PPP2R3B: variants seen among roughly 807,000 people sequenced by gnomAD.
The protein encoded by PPP2R3B is protein phosphatase 2 regulatory subunit B''beta.
PPP2R3B carries 68 observed loss-of-function variants against 72.9 expected under a neutral mutation model. The ratio of observed to expected loss-of-function variants is 0.93; its 90% CI spans 0.77 to 1.14. The LOEUF is 1.14. PPP2R3B is among the 50% of genes most tolerant of loss of function. The probability of loss-of-function intolerance (pLI) is 0.00; values close to 1 mark genes in which losing one functional copy is unlikely to be tolerated. For synonymous variants in PPP2R3B, 466 were observed against 375.8 expected (o/e 1.24, Z -2.78); for missense variants, 1,018 against 842.0 (o/e 1.21, Z -2.59).
chrX:337,397 AT>A (rs1283654312), intron 12 of PPP2R3B: 1 of 152,210 alleles, frequency 6.6e-6, no homozygotes, highest in Non-Finnish European at 1.5e-5. Flanking sequence ...GCCTATTCTT[AT>A]GTGTTTTCAT....
intron 1 of PPP2R3B, among the ~76,000 whole-genome samples, chrX:385,330 T>C (rs1234813112): frequency 1.2e-4 from 15 of 128,650 alleles, no homozygotes; most frequent in African/African-American, 2.6e-4. Flanking sequence ...CTTTTTTTTT[T>C]TTTTTTTTTT....
At position 386,493 on chromosome X, in the gene PPP2R3B, G is replaced by A. The variant is rs781140724; in HGVS notation, c.199C>T (p.Arg67Trp). Reference sequence around the variant, plus strand: ...CCCGGGGGTTCGAGCCCGCTGGGCCGGGGGGCGGCGAGCGGGGCTGTGGGC... The same window carrying A: ...CCCGGGGGTTCGAGCCCGCTGGGCCAGGGGGCGGCGAGCGGGGCTGTGGGC... ...AWPTAPLAAPRPSGLEPPGTP... is the reference protein window; with the variant it reads ...AWPTAPLAAPWPSGLEPPGTP... Residue 67 changes from arginine to tryptophan, a missense_variant, in exon 1 of 13, where the codon CGG (arginine) becomes TGG (tryptophan). By Grantham distance (101) the Arg-to-Trp change is moderately radical (BLOSUM62 -3). Coordinates refer to ENST00000390665, the MANE Select transcript of PPP2R3B (RefSeq NM_013239.5). The A allele has an allele frequency of 3.1e-6, 4 of 1,287,902 alleles. No homozygotes were observed. Among genetic ancestry groups the A allele is most frequent in the South Asian group, 2.7e-5 (1 of 37,710 alleles). The allele number at this position is 1,287,902 out of a possible 1,614,324, so 79.8% of individuals were successfully genotyped here. A position where few individuals can be genotyped will look rare whatever the true frequency, so the allele number is the denominator to read the frequency against.
chrX:372,063 G>C (rs939450330), intron 1 of PPP2R3B, among the ~76,000 whole-genome samples: 18 of 152,290 alleles, frequency 1.2e-4, no homozygotes, highest in African/African-American at 4.3e-4. Flanking sequence ...GGGCTGAAGG[G>C]CTTCCTCATC....
rs768041163 is a variant in PPP2R3B, at chrX:334,580, G to A, written c.1578-63C>T. 1.2e-4 allele frequency: 163 copies of A among 1,385,256 alleles called. 1 individual carries two copies. Among genetic ancestry groups the A allele is most frequent in the East Asian group, 8.3e-4 (29 of 35,040 alleles). 85.8% of individuals were successfully genotyped at this position (1,385,256 alleles called of 1,614,324 possible). A position where few individuals can be genotyped will look rare whatever the true frequency, so the allele number is the denominator to read the frequency against. On this transcript the variant is annotated intron_variant, in intron 12 of 12. Coordinates refer to ENST00000390665, the MANE Select transcript of PPP2R3B (RefSeq NM_013239.5). Reference sequence around the variant, plus strand: ...CGGAGCAGGCCCTGGGCCGTTTTCCGGGAAACACAGGCTGCTCGGCCGCCA... The same window carrying A: ...CGGAGCAGGCCCTGGGCCGTTTTCCAGGAAACACAGGCTGCTCGGCCGCCA...
intron 7 of PPP2R3B, chrX:344,892 A>T (rs1253703560): frequency 2.7e-5 from 9 of 336,532 alleles, no homozygotes; most frequent in Middle Eastern, 2.1e-3. Flanking sequence ...ATGCCACCGT[A>T]ATTCGGAAAC....
chrX:338,831 T>TGAAGAAGGTGTC lies in PPP2R3B; in HGVS notation c.1405_1416dup (p.Asp469_Phe472dup). 6.2e-7 allele frequency: 1 copy of TGAAGAAGGTGTC among 1,612,436 alleles called. No homozygotes were observed. The highest frequency in any genetic ancestry group is 8.5e-7 in the Non-Finnish European group (1 of 1,179,700). ...TCGTGGTCGAGGTACTTCTCGATGTTGAAGAAGGTGTCGAAGAAGACGTTA... is the reference window on the plus strand; with the variant it reads ...TCGTGGTCGAGGTACTTCTCGATGTTGAAGAAGGTGTCGAAGAAGGTGTCGAAGAAGACGTTA... On this transcript the variant is annotated inframe_insertion, in exon 11 of 13. Transcript: ENST00000390665.
chrX:362,549 G>A (rs1403080292), intron 1 of PPP2R3B, among the ~76,000 whole-genome samples: 1 of 150,974 alleles, frequency 6.6e-6, no homozygotes, highest in Non-Finnish European at 1.5e-5. Context: ...GGACAGGGCT[G>A]TGTCCTCCTT....
At chrX:380,355 C>T (rs1441440687) in intron 1 of PPP2R3B, among the ~76,000 whole-genome samples, 1 of 152,210 alleles carries the variant, frequency 6.6e-6, no homozygotes, top group Non-Finnish European at 1.5e-5. Context: ...GCTCTCGCAA[C>T]TCAGTGATAA....
intron 2 of PPP2R3B, among the ~76,000 whole-genome samples, chrX:351,785 C>T (rs1297814176): frequency 1.3e-5 from 2 of 152,220 alleles, no homozygotes; most frequent in South Asian, 4.1e-4. Context: ...GCAGTCTCAA[C>T]TTCACGGGCT....
chrX:381,024 C>T (rs1295133666), intron 1 of PPP2R3B, among the ~76,000 whole-genome samples: 1 of 151,426 alleles, frequency 6.6e-6, no homozygotes, highest in East Asian at 2.0e-4. Flanking sequence ...CAGCCTCGAA[C>T]TCCTGGGATC....
chrX:355,818 A>T (rs1274810989), intron 2 of PPP2R3B, among the ~76,000 whole-genome samples: 6 of 152,244 alleles, frequency 3.9e-5, no homozygotes, highest in African/African-American at 1.4e-4. Flanking sequence ...GGATGAGGGC[A>T]GGTGCGCGTC....
rs28609868 is a variant in PPP2R3B, at chrX:334,508, G to A, written c.1587C>T (p.Ala529=). The change falls in exon 13 of 13, where the codon GCC becomes GCT. Residue 529 remains alanine, a synonymous_variant. Coordinates refer to ENST00000390665, the MANE Select transcript of PPP2R3B (RefSeq NM_013239.5). The part of the protein sequence containing the change: ...AGEPWEDGFE[A]ELSPVEQKLS... Reference sequence around the variant, plus strand: ...GCTTCTGCTCCACAGGGCTGAGCTCGGCCTCGAACCTGCAACGAGGGGATG... The same window carrying A: ...GCTTCTGCTCCACAGGGCTGAGCTCAGCCTCGAACCTGCAACGAGGGGATG... 1.0e-3 allele frequency: 1,620 copies of A among 1,548,122 alleles called. 18 individuals carry two copies. The African/African-American group carries it at 0.017, about 17-fold the overall frequency.
rs369247823 is a variant in PPP2R3B at position 341,336 on chromosome X, G to T, written c.1146C>A (p.Ile382=). The T allele has an allele frequency of 6.2e-7, 1 of 1,612,594 alleles. No homozygotes were observed. The highest frequency in any genetic ancestry group is 8.5e-7 in the Non-Finnish European group (1 of 1,179,718). ...TCGGTGTTTTTTTGTCTTCCTCAGA[G>T]ATCAAAAACCAGACAAAGTCGGCAT... ...ISYADFVWFL[I]SEEDKKTPTS... The change falls in exon 9 of 13, where the codon ATC becomes ATA. Residue 382 remains isoleucine, a synonymous_variant. Transcript: ENST00000390665.
In PPP2R3B at chrX:346,222, C is replaced by T; in HGVS notation, c.831G>A (p.Trp277Ter). The T allele has an allele frequency of 1.9e-6, 3 of 1,572,698 alleles. No homozygotes were observed. Among genetic ancestry groups the T allele is most frequent in the Non-Finnish European group, 2.6e-6 (3 of 1,160,934 alleles). Residue 277 changes from tryptophan to a stop codon, truncating the protein, a stop_gained, in exon 6 of 13, where the codon TGG becomes TGA. Transcript: ENST00000390665. LOFTEE classifies it high-confidence loss of function. ...QRIFYAVNRS[W>*]SGRITCAELR... The stretch of plus-strand genomic sequence containing the variant: ...GCTCGGCGCAGGTGATCCTGCCGGA[C>T]CAGGACCGGTTCACGGCGTAGAAGA...
At chrX:384,261 ACT>A (rs766359373) in intron 1 of PPP2R3B, among the ~76,000 whole-genome samples, 66 of 142,348 alleles carry the variant, frequency 4.6e-4, no homozygotes, top group Admixed American at 1.1e-3. Flanking sequence ...ACGCAAGAAG[ACT>A]CTCTCTCTCT....
rs751890423 is a variant in PPP2R3B at position 346,161 on chromosome X, G to T, written c.879+13C>A. 7 of 1,540,516 alleles carry T rather than the reference G, an allele frequency of 4.5e-6. No individual in the cohort carries two copies. The South Asian group carries it at 8.3e-5, about 18-fold the overall frequency. ...ACAAGGCAGGGGGCAGGGGACAGGG[G>T]GCCGCTCCGCACCTGCAGGAAGGAG... On this transcript the variant is annotated intron_variant, in intron 6 of 12. Coordinates refer to ENST00000390665, the MANE Select transcript of PPP2R3B (RefSeq NM_013239.5).
At chrX:384,592 C>G (rs2072203820) in intron 1 of PPP2R3B, among the ~76,000 whole-genome samples, 1 of 152,026 alleles carries the variant, frequency 6.6e-6, no homozygotes, top group Non-Finnish European at 1.5e-5. Context: ...CCATGCCTGA[C>G]CAATATAAAC....
chrX:383,711 G>A (rs1330558081), intron 1 of PPP2R3B, among the ~76,000 whole-genome samples: 4 of 151,004 alleles, frequency 2.6e-5, no homozygotes, highest in African/African-American at 4.9e-5. Context: ...GGTGGCGGGC[G>A]CCTGTAGTCC....
chrX:372,952 T>C (rs1262661027), intron 1 of PPP2R3B, among the ~76,000 whole-genome samples: 1 of 152,020 alleles, frequency 6.6e-6, no homozygotes, highest in African/African-American at 2.4e-5. Flanking sequence ...ATAAATAAAT[T>C]TCAAAGCCAC....
Sources: gnomAD v4.1 joint callset for allele counts (sites outside exome capture counted in the v4.1 genomes callset) on GRCh38, gnomAD v4.1.1 for gene constraint, MANE v1.5 for transcripts, NCBI Gene and HGNC (gene_info 2026-07-23, HGNC 2026-07-21) for gene names.